Variants in PCDHGB3 observed in about 807,000 individuals in gnomAD.
PCDHGB3 encodes protocadherin gamma-B3.
A neutral mutation model predicts 59.2 loss-of-function variants in PCDHGB3; 40 were observed. The ratio of observed to expected loss-of-function variants is 0.68; its 90% CI spans 0.52 to 0.88. The LOEUF is 0.88. Ranked by LOEUF, PCDHGB3 falls within the 40% of genes least tolerant of loss-of-function variation. The pLI, the probability that PCDHGB3 is intolerant of heterozygous loss-of-function variation, is 0.00. For missense variants in PCDHGB3, 1,309 were observed against 1,187.9 expected (o/e 1.10, Z -1.50); for synonymous variants, 581 against 503.6 (o/e 1.15, Z -2.06).
intron 1 of PCDHGB3, among the ~76,000 whole-genome samples, chr5:141,464,162 G>A (rs1030872607): frequency 6.6e-6 from 1 of 151,946 alleles, no homozygotes; most frequent in African/African-American, 2.4e-5. Context: ...CTACTTGGAA[G>A]GCTGAGGCAG....
At chr5:141,505,015 A>G (rs965107997) in intron 2 of PCDHGB3, among the ~76,000 whole-genome samples, 1 of 152,160 alleles carries the variant, frequency 6.6e-6, no homozygotes, top group Admixed American at 6.5e-5. Flanking sequence ...TACAAAAATT[A>G]GCCTGGCACA....
In PCDHGB3 at chr5:141,489,163, C is replaced by T. The variant is rs2099683398; in HGVS notation, c.2416-5644C>T. 1 of 1,060,592 alleles carries T rather than the reference C, an allele frequency of 9.4e-7. No individual in the cohort carries two copies. Among genetic ancestry groups the T allele is most frequent in the Admixed American group, 2.4e-5 (1 of 41,724 alleles). The allele number at this position is 1,060,592 out of a possible 1,614,324, so 65.7% of individuals were successfully genotyped here. On this transcript the variant is annotated intron_variant, in intron 1 of 3. Coordinates refer to ENST00000576222, the MANE Select transcript of PCDHGB3 (RefSeq NM_018924.5). This position sits in a 1 kb window ranked among gnomAD's most constrained non-coding sequence, Gnocchi z 4.5. ...TGGAAGGAGACATAAGAGACTTCAGCTGCTGCATTCCAAGCCCTGGGTCTA... is the reference window on the plus strand; with the variant it reads ...TGGAAGGAGACATAAGAGACTTCAGTTGCTGCATTCCAAGCCCTGGGTCTA...
chr5:141,394,558 C>T (rs2093032633), intron 1 of PCDHGB3: 4 of 1,614,108 alleles, frequency 2.5e-6, no homozygotes, highest in Non-Finnish European at 3.4e-6. Flanking sequence ...CCCCGCTCCG[C>T]AGAGCGTGGC....
chr5:141,372,682 C>T lies in PCDHGB3; in HGVS notation c.2288C>T (p.Thr763Ile). ...NPCAASHSSNTEFKFLNIKAE... is the reference protein window; with the variant it reads ...NPCAASHSSNIEFKFLNIKAE... ...TGTGCTGCCTCACATTCCTCAAACA[C>T]CGAGTTTAAATTTCTCAATATAAAG... The change falls in exon 1 of 4, where the codon ACC (threonine) becomes ATC (isoleucine). Residue 763 changes from threonine to isoleucine, a missense_variant. Thr to Ile is a moderately conservative substitution (Grantham distance 89, BLOSUM62 -1). Transcript: ENST00000576222. The T allele has an allele frequency of 6.2e-7, 1 of 1,614,010 alleles. No homozygotes were observed. Among genetic ancestry groups the T allele is most frequent in the Non-Finnish European group, 8.5e-7 (1 of 1,179,884 alleles).
intron 1 of PCDHGB3, among the ~76,000 whole-genome samples, chr5:141,465,048 AT>A (rs905091014): frequency 4.0e-5 from 6 of 151,346 alleles, no homozygotes; most frequent in African/African-American, 9.7e-5. Context: ...GACCCTATAT[AT>A]TTTTTTGAAT....
intron 1 of PCDHGB3, chr5:141,422,347 G>A (rs1456770985): frequency 3.9e-6 from 6 of 1,553,980 alleles, no homozygotes; most frequent in Non-Finnish European, 5.2e-6. Context: ...AAATGTGCAA[G>A]ATCAAGATTC....
intron 1 of PCDHGB3, among the ~76,000 whole-genome samples, chr5:141,460,912 G>GTGTATATATA (rs145509489): frequency 6.7e-6 from 1 of 149,236 alleles, no homozygotes; most frequent in Non-Finnish European, 1.5e-5. Flanking sequence ...ATTCCATGGT[G>GTGTATATATA]TATATATATA....
intron 1 of PCDHGB3, among the ~76,000 whole-genome samples, chr5:141,430,347 A>C (rs2097274758): frequency 6.6e-6 from 1 of 151,944 alleles, no homozygotes; most frequent in Non-Finnish European, 1.5e-5. Flanking sequence ...CTTCCAATTC[A>C]TTTAAAAGCT....
At chr5:141,448,331 A>T (rs2098582637) in intron 1 of PCDHGB3, among the ~76,000 whole-genome samples, 1 of 152,146 alleles carries the variant, frequency 6.6e-6, no homozygotes, top group Non-Finnish European at 1.5e-5. Flanking sequence ...GAATCTTTAT[A>T]GCCATGTACC....
chr5:141,410,780 A>T, intron 1 of PCDHGB3: 1 of 803,810 alleles, frequency 1.2e-6, no homozygotes. Context: ...TTCACTATGT[A>T]TTTGGTTCAT....
In PCDHGB3 at chr5:141,394,564, G is replaced by C. The variant is rs200338108; in HGVS notation, c.2415+21755G>C. 4.7e-3 allele frequency: 7,544 copies of C among 1,612,816 alleles called. 48 individuals carry two copies. The highest frequency in any genetic ancestry group is 9.5e-3 in the Admixed American group (568 of 59,990). On this transcript the variant is annotated intron_variant, in intron 1 of 3. Transcript: ENST00000576222. Reference sequence around the variant, plus strand: ...GAGCTGGCGCCCCGCTCCGCAGAGCGTGGCTACCTGGTGACCAAGGTGGTG... The same window carrying C: ...GAGCTGGCGCCCCGCTCCGCAGAGCCTGGCTACCTGGTGACCAAGGTGGTG...
intron 1 of PCDHGB3, among the ~76,000 whole-genome samples, chr5:141,482,530 CAA>C (rs3074545): frequency 2.5e-4 from 19 of 76,528 alleles, no homozygotes; most frequent in East Asian, 4.2e-4. Context: ...GACAGACATG[CAA>C]AAAAAAAAAA....
chr5:141,382,486 C>T (rs1278703321), intron 1 of PCDHGB3, among the ~76,000 whole-genome samples: 1 of 152,192 alleles, frequency 6.6e-6, no homozygotes, highest in African/African-American at 2.4e-5. Flanking sequence ...GATTATCAAA[C>T]ACCGGTCCAT....
Position 141,421,812 on chromosome 5 carries a change from A to G in PCDHGB3, c.2415+49003A>G, listed in dbSNP as rs779804436. On this transcript the variant is annotated intron_variant, in intron 1 of 3. Transcript: ENST00000576222. ...CGGATGGGGCCAAGAATCCAGAGCTAGTACTGGAGGGAAGCCTGGACCGAG... is the reference window on the plus strand; with the variant it reads ...CGGATGGGGCCAAGAATCCAGAGCTGGTACTGGAGGGAAGCCTGGACCGAG... 9.9e-6 allele frequency: 16 copies of G among 1,613,704 alleles called. 1 individual carries two copies. In the South Asian group the frequency reaches 1.5e-4, roughly 16 times the overall value.
chr5:141,478,420 C>A, intron 1 of PCDHGB3: 1 of 1,613,676 alleles, frequency 6.2e-7, no homozygotes, highest in Non-Finnish European at 8.5e-7. Context: ...ACTCCCGCCG[C>A]AGCGACCCGC....
chr5:141,398,910 G>T, intron 1 of PCDHGB3: 1 of 1,613,972 alleles, frequency 6.2e-7, no homozygotes, highest in Non-Finnish European at 8.5e-7. Flanking sequence ...GCACCACTGT[G>T]TTGCAAGTGT....
chr5:141,476,661 T>G lies in PCDHGB3; in HGVS notation c.2416-18146T>G. 1.2e-6 allele frequency: 2 copies of G among 1,614,076 alleles called. No individual in the cohort carries two copies. The highest frequency in any genetic ancestry group is 1.7e-6 in the Non-Finnish European group (2 of 1,179,938). On this transcript the variant is annotated intron_variant, in intron 1 of 3. Coordinates refer to ENST00000576222, the MANE Select transcript of PCDHGB3 (RefSeq NM_018924.5). The surrounding 1 kb of genome is among the most constrained non-coding windows in gnomAD (Gnocchi z 7.6). Reference sequence around the variant, plus strand: ...CTGAGCCGAAATGAATACTTTGCGCTTCGCGTGCAGACGCGGGAGGACAGC... The same window carrying G: ...CTGAGCCGAAATGAATACTTTGCGCGTCGCGTGCAGACGCGGGAGGACAGC...
At chr5:141,411,846 T>C (rs962000304) in intron 1 of PCDHGB3, 1 of 151,734 alleles carries the variant, frequency 6.6e-6, no homozygotes, top group African/African-American at 2.4e-5. Context: ...GGTGACAGAG[T>C]GAGACCCTGT....
At chr5:141,428,088 C>G (rs761980796) in intron 1 of PCDHGB3, 5 of 1,608,920 alleles carry the variant, frequency 3.1e-6, no homozygotes, top group Non-Finnish European at 4.2e-6. Context: ...CAACGCTTGG[C>G]TGTCCTACCA....
Sources: allele counts gnomAD v4.1 joint callset (sites outside exome capture counted in the v4.1 genomes callset), GRCh38; gene constraint gnomAD v4.1.1; non-coding constraint Gnocchi (gnomAD v3.1); transcripts MANE v1.5; gene names NCBI Gene and HGNC (gene_info 2026-07-23, HGNC 2026-07-21).